The following BCOR variants were observed in gnomAD, a reference collection of about 807,000 sequenced individuals.
BCOR encodes the protein BCL-6 corepressor.
In BCOR, 10 loss-of-function variants were observed where a neutral mutation model predicts 86.7. That is an observed-to-expected ratio of 0.12 (90% confidence interval 0.07 to 0.20). The LOEUF (loss-of-function observed/expected upper bound fraction) is 0.20. Ranked by LOEUF, BCOR falls within the 10% of genes least tolerant of loss-of-function variation. The probability of loss-of-function intolerance (pLI) is 1.00; values close to 1 mark genes in which losing one functional copy is unlikely to be tolerated. For synonymous variants in BCOR, 611 were observed against 609.0 expected (o/e 1.00, Z -0.05); for missense variants, 1,259 against 1,452.1 (o/e 0.87, Z 2.16).
intron 1 of BCOR, among the ~76,000 whole-genome samples, chrX:40,157,247 AAGGCCCTCCAGACTCC>A (rs375139698): frequency 0.011 from 1,221 of 112,177 alleles, 11 homozygotes; most frequent in African/African-American, 0.027. Context: ...GGGGAGCAGG[AAGGCCCTCCAGACTCC>A]AGGCCCTCCA....
intron 1 of BCOR, among the ~76,000 whole-genome samples, chrX:40,088,320 G>A (rs1473654156): frequency 4.4e-5 from 5 of 112,607 alleles, no homozygotes; most frequent in African/African-American, 1.3e-4. Context: ...CGCTAAAATC[G>A]GGGGGAAACT....
At chrX:40,070,932 G>A in intron 6 of BCOR, 41 bp downstream of exon 6, 1 of 1,178,314 alleles carries the variant, frequency 8.5e-7, no homozygotes, top group East Asian at 3.0e-5. Context: ...ATGCCAACCG[G>A]ACCTGAGGCC....
At chrX:40,149,247 G>T (rs760042155) in intron 1 of BCOR, among the ~76,000 whole-genome samples, 1 of 111,024 alleles carries the variant, frequency 9.0e-6, no homozygotes, top group East Asian at 2.8e-4. Flanking sequence ...TGGTTTCCGG[G>T]CAATAAAACA....
At chrX:40,087,661 G>A (rs951768423) in intron 1 of BCOR, among the ~76,000 whole-genome samples, 1 of 111,025 alleles carries the variant, frequency 9.0e-6, no homozygotes, top group African/African-American at 3.3e-5. Context: ...ATAAACCCCC[G>A]GTGCTGCTTT....
In BCOR at chrX:40,074,083, G is replaced by T. The variant is rs148786858; in HGVS notation, c.1263C>A (p.Gly421=). ...RKTAVQDRKD[G]SSPPLLEKQT... is the part of the protein sequence containing the mutation. ...GCTTCTCCAACAGAGGAGGTGAGCT[G>T]CCATCTTTTCTGTCTTGAACCGCTG... Residue 421 remains glycine (G), a synonymous_variant, in exon 4 of 15, where the codon GGC becomes GGA. Coordinates refer to ENST00000378444, the MANE Select transcript of BCOR (RefSeq NM_001123385.2). The T allele has an allele frequency of 8.3e-7, 1 of 1,210,689 alleles. No individual in the cohort carries two copies. The highest frequency in any genetic ancestry group is 1.7e-5 in the African/African-American group (1 of 57,450).
In BCOR at chrX:40,073,962, C is replaced by T. The variant is rs779741283; in HGVS notation, c.1384G>A (p.Ala462Thr). The T allele has an allele frequency of 8.2e-7, 1 of 1,212,263 alleles. No homozygotes were observed. The highest frequency in any genetic ancestry group is 2.2e-5 in the Admixed American group (1 of 46,124). Reference protein sequence around the residue: ...ASKADHMKKMAPTVLVHSRAG... With the variant: ...ASKADHMKKMTPTVLVHSRAG... The stretch of plus-strand genomic sequence containing the variant: ...CTGCTGTGAACCAGGACCGTGGGAG[C>T]CATCTTTTTCATGTGGTCAGCTTTG... Residue 462 changes from alanine to threonine, a missense_variant, in exon 4 of 15, where the codon GCT becomes ACT. By Grantham distance (58) the Ala-to-Thr change is moderately conservative. This residue lies in a region of BCOR where 534 missense variants were observed against 594.8 expected (regional missense o/e 0.90). Coordinates refer to ENST00000378444, the MANE Select transcript of BCOR (RefSeq NM_001123385.2).
intron 1 of BCOR, among the ~76,000 whole-genome samples, chrX:40,135,973 C>T (rs2147927087): frequency 8.9e-6 from 1 of 111,775 alleles, no homozygotes; most frequent in Admixed American, 9.5e-5. Context: ...TTACTCTTCC[C>T]AGTGCTTCAC....
At chrX:40,091,684 C>T (rs1033934839) in intron 1 of BCOR, among the ~76,000 whole-genome samples, 2 of 113,680 alleles carry the variant, frequency 1.8e-5, no homozygotes, top group African/African-American at 6.4e-5. Flanking sequence ...CGCCCCCGGC[C>T]AAGTGCGCGC....
At chrX:40,168,135 C>G (rs1051495445) in intron 1 of BCOR, among the ~76,000 whole-genome samples, 2 of 113,087 alleles carry the variant, frequency 1.8e-5, no homozygotes, top group Non-Finnish European at 3.8e-5. Flanking sequence ...GCGGCAGCCG[C>G]GTCCTTCCTC....
At chrX:40,128,686 T>C (rs761247176) in intron 1 of BCOR, among the ~76,000 whole-genome samples, 1 of 111,881 alleles carries the variant, frequency 8.9e-6, no homozygotes, top group East Asian at 2.8e-4. Flanking sequence ...AAGAAAGGAA[T>C]ACCTCCTTTT....
In BCOR at chrX:40,168,520, G is replaced by T. The variant is rs139676844; in HGVS notation, c.-41+8487C>A. ...TGGAGGGTCTCCCAGTCCACAAGTGGCTCTCCCCACACAGACAAATGTGCA... is the reference window on the plus strand; with the variant it reads ...TGGAGGGTCTCCCAGTCCACAAGTGTCTCTCCCCACACAGACAAATGTGCA... On this transcript the variant is annotated intron_variant, in intron 1 of 14. Transcript: ENST00000342274. Among the ~76,000 whole-genome samples the T allele has an allele frequency of 2.2e-3, 244 of 113,063 alleles. 4 individuals are homozygous for T. The East Asian group carries it at 0.057, about 26-fold the overall frequency.
chrX:40,142,364 T>C (rs1937939234), intron 1 of BCOR, among the ~76,000 whole-genome samples: 1 of 112,453 alleles, frequency 8.9e-6, no homozygotes, highest in South Asian at 3.7e-4. Context: ...GGCTCTTGTA[T>C]GACATCTGCA....
chrX:40,064,898 C>G (rs891917179), intron 6 of BCOR, among the ~76,000 whole-genome samples: 3 of 111,850 alleles, frequency 2.7e-5, no homozygotes, highest in Non-Finnish European at 5.6e-5. Flanking sequence ...AAAGATGGGG[C>G]GTCAATGCTA....
intron 10 of BCOR, among the ~76,000 whole-genome samples, chrX:40,057,975 C>T (rs753449288): frequency 1.3e-4 from 15 of 111,975 alleles, no homozygotes; most frequent in Non-Finnish European, 2.4e-4. Flanking sequence ...ATGACATCAA[C>T]GCTTCCAATA....
Position 40,057,228 on chromosome X carries a change from C to T in BCOR, c.4522G>A (p.Gly1508Ser), listed in dbSNP as rs372724488. 1 of 1,210,554 alleles carries T rather than the reference C, an allele frequency of 8.3e-7. No homozygotes were observed. Among genetic ancestry groups the T allele is most frequent in the Non-Finnish European group, 1.1e-6 (1 of 895,285 alleles). Residue 1508 changes from glycine to serine, a missense_variant, in exon 11 of 15, where the codon GGC becomes AGC. Around this residue, in one of 7 missense-constraint regions of BCOR, gnomAD observed 47 missense variants for 102.1 expected, o/e 0.46. Coordinates refer to ENST00000378444, the MANE Select transcript of BCOR (RefSeq NM_001123385.2). ...AGGTGTCGCACAATGTTGAGCCAGC[C>T]CCTAGCACAAGCTTCATGCAGGGCG... ...YCALHEACAR[G>S]WLNIVRHLLE...
chrX:40,159,513 AT>A (rs766699292), intron 1 of BCOR, among the ~76,000 whole-genome samples: 5 of 107,117 alleles, frequency 4.7e-5, no homozygotes, highest in South Asian at 4.0e-4. Flanking sequence ...CGCCCGGCTA[AT>A]TTTTTTTTTG....
At position 40,126,828 on chromosome X, in the gene BCOR, C is replaced by T. The variant is rs796665568; in HGVS notation, c.-40-48859G>A. The stretch of plus-strand genomic sequence containing the variant: ...TGAGATGGCACCACTGCACTCCAGC[C>T]TGTCTCAAAGAAAAAGAAAAAAAAA... On this transcript the variant is annotated intron_variant, in intron 1 of 14. Transcript: ENST00000342274. Among the ~76,000 whole-genome samples, 8 of 106,378 alleles carry T rather than the reference C, an allele frequency of 7.5e-5. 1 individual carries two copies. In the South Asian group the frequency reaches 3.4e-3, roughly 46 times the overall value. 92.4% of individuals were successfully genotyped at this position (106,378 alleles called of 115,157 possible). A position where few individuals can be genotyped will look rare whatever the true frequency, so the allele number is the denominator to read the frequency against.
intron 1 of BCOR, among the ~76,000 whole-genome samples, chrX:40,104,090 T>C: frequency 9.0e-6 from 1 of 111,449 alleles, no homozygotes; most frequent in East Asian, 2.8e-4. Flanking sequence ...GCAGGATTAC[T>C]AGTGCAATTA....
At chrX:40,088,504 A>AG (rs1297319092) in intron 1 of BCOR, among the ~76,000 whole-genome samples, 10 of 110,975 alleles carry the variant, frequency 9.0e-5, no homozygotes. Flanking sequence ...AAAGGGAGGG[A>AG]GGGCTCCTGT....
Sources: gnomAD v4.1 joint callset for allele counts (sites outside exome capture counted in the v4.1 genomes callset) on GRCh38, gnomAD v4.1.1 for gene constraint, gnomAD v4.1.1 regional missense constraint, MANE v1.5 for transcripts, NCBI Gene and HGNC (gene_info 2026-07-23, HGNC 2026-07-21) for gene names.